ABTB3: variants seen among roughly 807,000 people sequenced by gnomAD.
ABTB3 encodes ankyrin repeat and BTB domain containing 3.
the ABTB3 span, among the ~76,000 whole-genome samples, chr12:107,535,978 T>C: frequency 6.6e-6 from 1 of 152,160 alleles, no homozygotes; most frequent in Non-Finnish European, 1.5e-5. Context: ...GGCATCATAC[T>C]ACTTGACTTC....
the ABTB3 span, among the ~76,000 whole-genome samples, chr12:107,555,986 A>G: frequency 6.6e-6 from 1 of 152,166 alleles, no homozygotes; most frequent in Non-Finnish European, 1.5e-5. Context: ...AGCAGCCATC[A>G]TCATCATCAC....
At chr12:107,631,127 T>C in the ABTB3 span, among the ~76,000 whole-genome samples, 1 of 152,120 alleles carries the variant, frequency 6.6e-6, no homozygotes, top group Non-Finnish European at 1.5e-5. Flanking sequence ...TGGATCCCCA[T>C]TGTCTGTTGT....
chr12:107,654,815 T>C, the ABTB3 span, among the ~76,000 whole-genome samples: 16,421 of 141,334 alleles, frequency 0.12, 1,196 homozygotes, highest in African/African-American at 0.2. Flanking sequence ...CTACATTGTA[T>C]ACACACACAC....
the ABTB3 span, among the ~76,000 whole-genome samples, chr12:107,477,013 G>A: frequency 1.3e-5 from 2 of 152,278 alleles, no homozygotes; most frequent in South Asian, 4.1e-4. Context: ...CCAGCTTTTG[G>A]AAGAAATCCA....
At chr12:107,402,510 C>T in the ABTB3 span, among the ~76,000 whole-genome samples, 1 of 152,190 alleles carries the variant, frequency 6.6e-6, no homozygotes, top group South Asian at 2.1e-4. Context: ...TACCCCATCT[C>T]CTTCCTCACC....
the ABTB3 span, chr12:107,649,600 T>C: frequency 2.9e-6 from 1 of 347,188 alleles, no homozygotes; most frequent in Non-Finnish European, 5.5e-6. Context: ...CTGAAAAGTC[T>C]GAGGCTACAG....
the ABTB3 span, among the ~76,000 whole-genome samples, chr12:107,446,657 A>C: frequency 6.6e-6 from 1 of 152,204 alleles, no homozygotes; most frequent in Admixed American, 6.5e-5. Flanking sequence ...CCGCATCTGC[A>C]TCCATCCCCA....
the ABTB3 span, among the ~76,000 whole-genome samples, chr12:107,455,424 G>A: frequency 6.6e-6 from 1 of 151,198 alleles, no homozygotes; most frequent in African/African-American, 2.4e-5. Context: ...TACAAGATCT[G>A]GTTGTGATGG....
chr12:107,647,995 C>T, the ABTB3 span, among the ~76,000 whole-genome samples: 3 of 152,058 alleles, frequency 2.0e-5, no homozygotes, highest in Non-Finnish European at 4.4e-5. Context: ...TTTACAAGTA[C>T]CCAAAAAAGG....
At chr12:107,409,229 G>A in the ABTB3 span, among the ~76,000 whole-genome samples, 1 of 152,178 alleles carries the variant, frequency 6.6e-6, no homozygotes, top group African/African-American at 2.4e-5. Context: ...AAGATGTTGT[G>A]GCCAACAGCC....
chr12:107,565,519 C>T, the ABTB3 span, among the ~76,000 whole-genome samples: 9 of 152,176 alleles, frequency 5.9e-5, no homozygotes, highest in African/African-American at 2.2e-4. Flanking sequence ...TGTGCCTTCT[C>T]CATGCACCTT....
chr12:107,537,835 TC>T, the ABTB3 span, among the ~76,000 whole-genome samples: 21 of 152,066 alleles, frequency 1.4e-4, no homozygotes, highest in African/African-American at 5.1e-4. Context: ...TTTTTCAGAG[TC>T]CCCAGGTGGC....
chr12:107,429,844 A>G, the ABTB3 span, among the ~76,000 whole-genome samples: 113 of 152,352 alleles, frequency 7.4e-4, no homozygotes, highest in African/African-American at 2.5e-3. Context: ...ACCTTTTGAG[A>G]TACAAGAGTG....
At chr12:107,445,793 G>A in the ABTB3 span, among the ~76,000 whole-genome samples, 1 of 151,634 alleles carries the variant, frequency 6.6e-6, no homozygotes, top group Non-Finnish European at 1.5e-5. Flanking sequence ...AACGTATAAA[G>A]GCCACTTAGA....
the ABTB3 span, among the ~76,000 whole-genome samples, chr12:107,503,756 C>CAAAAAAAAAAAAAAAA: frequency 8.5e-5 from 6 of 70,728 alleles, no homozygotes; most frequent in East Asian, 3.4e-4. Flanking sequence ...GACCCTATCT[C>CAAAAAAAAAAAAAAAA]AAAAAAAAAA....
the ABTB3 span, among the ~76,000 whole-genome samples, chr12:107,434,184 T>C: frequency 6.6e-6 from 1 of 152,176 alleles, no homozygotes; most frequent in Admixed American, 6.5e-5. Flanking sequence ...AGAACACATG[T>C]CTCAGAGTTA....
the ABTB3 span, among the ~76,000 whole-genome samples, chr12:107,462,733 G>A: frequency 4.9e-3 from 739 of 152,064 alleles, 10 homozygotes; most frequent in African/African-American, 0.016. Context: ...TGACAGTGAT[G>A]ATGATGGTGG....
At chr12:107,617,577 C>A in the ABTB3 span, 1 of 1,114,640 alleles carries the variant, frequency 9.0e-7, no homozygotes. Context: ...CAGGTCTGGC[C>A]AGAGCGACCC....
chr12:107,585,861 G>C, the ABTB3 span, among the ~76,000 whole-genome samples: 10 of 152,168 alleles, frequency 6.6e-5, no homozygotes, highest in African/African-American at 2.4e-4. Context: ...GAACAAGATC[G>C]TCCAGATAAG....
Sources: allele counts gnomAD v4.1 joint callset (sites outside exome capture counted in the v4.1 genomes callset), GRCh38; gene constraint gnomAD v4.1.1; transcripts MANE v1.5; gene names NCBI Gene and HGNC (gene_info 2026-07-23, HGNC 2026-07-21).